Variants in CFAP54 observed in about 807,000 individuals in gnomAD.
CFAP54 encodes cilia and flagella associated protein 54.
A neutral mutation model predicts 370.4 loss-of-function variants in CFAP54; 290 were observed. That is an observed-to-expected ratio of 0.78 (90% CI 0.71 to 0.86). The LOEUF (loss-of-function observed/expected upper bound fraction) is 0.86, where lower values mean the gene tolerates loss of function less well. CFAP54 is among the 40% of genes least tolerant of loss of function. CFAP54 has a pLI of 0.00. For missense variants in CFAP54, 3,399 were observed against 3,528.7 expected, an observed-to-expected ratio of 0.96 and a Z score of 0.93; for synonymous variants, 1,206 against 1,236.5, an observed-to-expected ratio of 0.98 and a Z score of 0.52.
At chr12:96,553,260 G>A (rs1163720188) in intron 15 of CFAP54, among the ~76,000 whole-genome samples, 3 of 151,962 alleles carry the variant, frequency 2.0e-5, no homozygotes, top group Non-Finnish European at 4.4e-5. Flanking sequence ...TATACCAGCA[G>A]GAATAAGTTT....
intron 63 of CFAP54, among the ~76,000 whole-genome samples, chr12:96,806,209 TATATA>T (rs1565984949): frequency 7.3e-5 from 5 of 68,802 alleles, no homozygotes; most frequent in African/African-American, 3.1e-4. Flanking sequence ...TATATATATA[TATATA>T]ATAACAACAT....
intron 65 of CFAP54, among the ~76,000 whole-genome samples, chr12:96,824,589 T>G (rs1192596763): frequency 6.6e-6 from 1 of 152,164 alleles, no homozygotes; most frequent in East Asian, 1.9e-4. Context: ...CCCCTCTATC[T>G]GGAAAAGTGG....
In CFAP54 at chr12:96,849,294, G is replaced by C. The variant is rs544914326; in HGVS notation, c.9172-11525G>C. On this transcript the variant is annotated intron_variant, in intron 66 of 67. Transcript: ENST00000524981. ...CCCTGTGCTTTAAGGTTTTTGAAAG[G>C]AGGCAAAGTTAAATCCATCCATATC... 1.1e-3 allele frequency among the ~76,000 whole-genome samples: 160 copies of C among 152,274 alleles called. 1 individual carries two copies. Among genetic ancestry groups the C allele is most frequent in the Non-Finnish European group, 1.6e-3 (106 of 68,026 alleles).
At chr12:96,655,924 T>A (rs548641196) in intron 36 of CFAP54, among the ~76,000 whole-genome samples, 1 of 152,228 alleles carries the variant, frequency 6.6e-6, no homozygotes, top group Non-Finnish European at 1.5e-5. Flanking sequence ...TATAACTAAT[T>A]TTTACTTTTT....
intron 65 of CFAP54, among the ~76,000 whole-genome samples, chr12:96,821,737 G>A (rs1309274917): frequency 6.9e-6 from 1 of 145,384 alleles, no homozygotes; most frequent in Admixed American, 6.9e-5. Context: ...ATTCTGGGTT[G>A]TATCAGATAA....
intron 22 of CFAP54, among the ~76,000 whole-genome samples, chr12:96,587,004 C>G (rs925280901): frequency 4.0e-5 from 6 of 151,872 alleles, no homozygotes; most frequent in African/African-American, 1.2e-4. Flanking sequence ...TAACAAGAGT[C>G]CATAAAGAGA....
chr12:96,641,940 G>A (rs181752363), intron 32 of CFAP54, among the ~76,000 whole-genome samples: 5,196 of 144,932 alleles, frequency 0.036, 265 homozygotes, highest in African/African-American at 0.1. Context: ...GGGTGGTGCG[G>A]GGGGGGAGGG....
At chr12:96,749,048 A>G (rs1204962762) in intron 55 of CFAP54, among the ~76,000 whole-genome samples, 2 of 152,220 alleles carry the variant, frequency 1.3e-5, no homozygotes, top group African/African-American at 2.4e-5. Context: ...CATCTCAAAA[A>G]TGGGAGTTTT....
intron 48 of CFAP54, 69 bp downstream of exon 48, chr12:96,708,872 T>C: frequency 8.3e-7 from 1 of 1,200,432 alleles, no homozygotes; most frequent in Non-Finnish European, 1.2e-6. Flanking sequence ...CAGCCCCCAC[T>C]AATCTATATA....
At chr12:96,544,956 G>C (rs775104302) in intron 14 of CFAP54, among the ~76,000 whole-genome samples, 17 of 151,504 alleles carry the variant, frequency 1.1e-4, no homozygotes, top group Non-Finnish European at 1.8e-4. Context: ...CTTTTACCCA[G>C]GCTAGAGTGC....
intron 58 of CFAP54, among the ~76,000 whole-genome samples, chr12:96,759,503 A>G (rs1341799726): frequency 6.6e-6 from 1 of 152,232 alleles, no homozygotes; most frequent in Non-Finnish European, 1.5e-5. Context: ...TATTTTAGCA[A>G]GTCATAGAAT....
rs564538766 is a variant in CFAP54, at chr12:96,576,486, A to G, written c.2620-99A>G. 2.3e-4 allele frequency: 219 copies of G among 933,426 alleles called. 1 individual carries two copies. The African/African-American group carries it at 3.3e-3, about 14-fold the overall frequency. 57.8% of individuals were successfully genotyped at this position (933,426 alleles called of 1,614,324 possible). The stretch of plus-strand genomic sequence containing the variant: ...GCCTCTGAGGCTTGAAAAACTGCAT[A>G]TAAAAATATAACATTGTTTAACATC... On this transcript the variant is annotated intron_variant, in intron 19 of 67. Coordinates refer to ENST00000524981, the MANE Select transcript of CFAP54 (RefSeq NM_001306084.2).
At chr12:96,751,571 A>G (rs1286512582) in intron 55 of CFAP54, among the ~76,000 whole-genome samples, 1 of 152,098 alleles carries the variant, frequency 6.6e-6, no homozygotes, top group Non-Finnish European at 1.5e-5. Flanking sequence ...TCTTATATTG[A>G]TATTTGGTAT....
chr12:96,564,912 G>A, intron 19 of CFAP54, 147 bp downstream of exon 19: 1 of 394,190 alleles, frequency 2.5e-6, no homozygotes, highest in Non-Finnish European at 4.4e-6. Flanking sequence ...TCCTGACCAG[G>A]GGAACTAATT....
intron 39 of CFAP54, among the ~76,000 whole-genome samples, chr12:96,678,488 G>A (rs532484104): frequency 5.3e-5 from 8 of 152,282 alleles, no homozygotes; most frequent in Non-Finnish European, 1.0e-4. Flanking sequence ...CTAACCTCAA[G>A]TGATCCACCT....
At chr12:96,776,752 A>G (rs1018062524) in intron 60 of CFAP54, among the ~76,000 whole-genome samples, 10 of 152,342 alleles carry the variant, frequency 6.6e-5, no homozygotes, top group African/African-American at 2.2e-4. Context: ...ATCAAAATAC[A>G]TTAGTCTGTC....
intron 26 of CFAP54, among the ~76,000 whole-genome samples, chr12:96,602,090 A>G (rs1258365643): frequency 6.6e-6 from 1 of 152,168 alleles, no homozygotes. Flanking sequence ...TCTTGTGGGC[A>G]TTTAGTGCTA....
chr12:96,651,389 G>A (rs1565929078), intron 35 of CFAP54, among the ~76,000 whole-genome samples, 199 bp from the exon 36 acceptor site: 2 of 152,132 alleles, frequency 1.3e-5, no homozygotes, highest in Admixed American at 6.6e-5. Context: ...AGTACCTAGT[G>A]CACACTTACT....
At chr12:96,692,210 A>G (rs559561111) in intron 44 of CFAP54, among the ~76,000 whole-genome samples, 1 of 152,282 alleles carries the variant, frequency 6.6e-6, no homozygotes, top group Non-Finnish European at 1.5e-5. Flanking sequence ...AAAGAGATTG[A>G]TAAGTGCATT....
Sources: allele counts gnomAD v4.1 joint callset (sites outside exome capture counted in the v4.1 genomes callset), GRCh38; gene constraint gnomAD v4.1.1; transcripts MANE v1.5; gene names NCBI Gene and HGNC (gene_info 2026-07-23, HGNC 2026-07-21).